Variants in ARHGEF18 observed in about 807,000 individuals in gnomAD.
ARHGEF18 encodes Rho/Rac guanine nucleotide exchange factor 18, also known as rho guanine nucleotide exchange factor 18.
A neutral mutation model predicts 155.7 loss-of-function variants in ARHGEF18; 93 were observed. The ratio of observed to expected loss-of-function variants is 0.60; its 90% CI spans 0.50 to 0.71. The LOEUF (loss-of-function observed/expected upper bound fraction) is 0.71. ARHGEF18 is among the 30% of genes least tolerant of loss of function. ARHGEF18 has a pLI of 0.00. For synonymous variants in ARHGEF18, 742 were observed against 753.1 expected, an observed-to-expected ratio of 0.99 and a Z score of 0.24; for missense variants, 1,593 against 1,816.1, an observed-to-expected ratio of 0.88 and a Z score of 2.23.
chr19:7,350,076 G>T (rs1016095711), intron 1 of ARHGEF18, among the ~76,000 whole-genome samples: 7 of 152,184 alleles, frequency 4.6e-5, no homozygotes, highest in African/African-American at 1.7e-4. Context: ...GACATCCCCT[G>T]TCTCCTCTCG....
At chr19:7,356,247 T>C (rs1329606704) in intron 1 of ARHGEF18, among the ~76,000 whole-genome samples, 2 of 151,662 alleles carry the variant, frequency 1.3e-5, no homozygotes, top group African/African-American at 4.9e-5. Flanking sequence ...GAGTGAACTG[T>C]TGTTGCAAAG....
intron 1 of ARHGEF18, among the ~76,000 whole-genome samples, chr19:7,353,063 T>C (rs117755042): frequency 0.92 from 138,410 of 150,584 alleles, 63,727 homozygotes; most frequent in Admixed American, 0.95. Flanking sequence ...CTCGAACTCC[T>C]GACCTCCAGT....
At chr19:7,419,230 TGTACCCCGATGTACCCACACTCGGCCTCC>T (rs1973199048) in intron 10 of ARHGEF18, among the ~76,000 whole-genome samples, 6 of 137,892 alleles carry the variant, frequency 4.4e-5, no homozygotes, top group African/African-American at 1.5e-4. Flanking sequence ...ACTCGGCCTC[TGTACCCCGATGTACCCACACTCGGCCTCC>T]GCACCCCAGG....
In ARHGEF18 at chr19:7,423,345, T is replaced by A. The variant is rs114211437; in HGVS notation, c.968-16999T>A. Among the ~76,000 whole-genome samples the A allele has an allele frequency of 3.0e-3, 459 of 152,240 alleles. 4 individuals are homozygous for A. Among genetic ancestry groups the A allele is most frequent in the African/African-American group, 0.011 (448 of 41,554 alleles). ...CCCCCTTGAATTGTCCCAACAGTCC[T>A]GTGAGGTGGATGTCATTTATTACTT... On this transcript the variant is annotated intron_variant, in intron 10 of 28. Coordinates refer to ENST00000668164, the MANE Select transcript of ARHGEF18 (RefSeq NM_001367823.1).
chr19:7,387,231 C>CA (rs1324194843), intron 10 of ARHGEF18, among the ~76,000 whole-genome samples: 9 of 152,074 alleles, frequency 5.9e-5, no homozygotes, highest in African/African-American at 2.2e-4. Flanking sequence ...CAGCTCACTG[C>CA]AAGCTCTGCC....
rs551128587 is a variant in ARHGEF18, at chr19:7,437,728, C to T, written c.968-2616C>T. Among the ~76,000 whole-genome samples the T allele has an allele frequency of 1.1e-3, 159 of 149,896 alleles. 1 individual carries two copies. The highest frequency in any genetic ancestry group is 3.8e-3 in the African/African-American group (155 of 40,770). On this transcript the variant is annotated intron_variant, in intron 10 of 28. Coordinates refer to ENST00000668164, the MANE Select transcript of ARHGEF18 (RefSeq NM_001367823.1). Reference sequence around the variant, plus strand: ...GCATGATGTCAGCTCACGGCAACCTCTGCCTCCCGGGTTCAAGCGATTCTC... The same window carrying T: ...GCATGATGTCAGCTCACGGCAACCTTTGCCTCCCGGGTTCAAGCGATTCTC...
chr19:7,453,413 C>G, intron 16 of ARHGEF18, 54 bp from the exon 17 acceptor site: 1 of 1,541,510 alleles, frequency 6.5e-7, no homozygotes. Context: ...AGTGTGTCCA[C>G]TTCTGTTGTG....
At position 7,460,744 on chromosome 19, in the gene ARHGEF18, G is replaced by A. The variant is rs151337976; in HGVS notation, c.2452+750G>A. Among the ~76,000 whole-genome samples, 680 of 151,984 alleles carry A rather than the reference G, an allele frequency of 4.5e-3. 3 individuals carry two copies. The highest frequency in any genetic ancestry group is 0.015 in the African/African-American group (643 of 41,484). On this transcript the variant is annotated intron_variant, in intron 20 of 28. Transcript: ENST00000668164. ...CAATTCCTGGTGCCCTGTAGCCTGC[G>A]GCAAGCTCCCTTCTTCCCTTTCACT... is the stretch of plus-strand genomic sequence containing the variant.
chr19:7,378,684 CTTTTTT>C (rs548305968), intron 6 of ARHGEF18, among the ~76,000 whole-genome samples: 18,284 of 88,032 alleles, frequency 0.21, 2,034 homozygotes, highest in Non-Finnish European at 0.26. Context: ...ACAATTGTGG[CTTTTTT>C]TTTTTTTTTT....
Position 7,462,487 on chromosome 19 carries a change from C to T in ARHGEF18, c.2635+153C>T, listed in dbSNP as rs529034237. Among the ~76,000 whole-genome samples, 15 of 152,308 alleles carry T rather than the reference C, an allele frequency of 9.8e-5. No individual in the cohort carries two copies. The East Asian group carries it at 2.7e-3, about 27-fold the overall frequency. On this transcript the variant is annotated intron_variant, in intron 21 of 28. Coordinates refer to ENST00000668164, the MANE Select transcript of ARHGEF18 (RefSeq NM_001367823.1). This position sits in a 1 kb window ranked among gnomAD's most constrained non-coding sequence, Gnocchi z 4.4. ...GGGGGCCCAGGAGCAGCACTGACCG[C>T]CCCCCGGTGCCTGTGAGAGCCAGAA...
At chr19:7,477,411 C>T, downstream of ARHGEF18, 1 of 1,487,934 alleles carries the variant, frequency 6.7e-7, no homozygotes, top group Non-Finnish European at 8.9e-7. Context: ...GCCTCCATGG[C>T]CCTCCGCTTG....
chr19:7,407,098 T>C (rs1380481255), intron 10 of ARHGEF18, among the ~76,000 whole-genome samples: 2 of 146,208 alleles, frequency 1.4e-5, no homozygotes, highest in Non-Finnish European at 3.0e-5. Flanking sequence ...ATAGCCATCA[T>C]ACTCAGGATG....
chr19:7,451,156 G>A lies in ARHGEF18; in HGVS notation c.1745G>A (p.Gly582Asp), dbSNP rs1181633194. The A allele has an allele frequency of 6.8e-7, 1 of 1,472,760 alleles. No individual in the cohort carries two copies. The highest frequency in any genetic ancestry group is 8.9e-7 in the Non-Finnish European group (1 of 1,117,720). 91.2% of individuals were successfully genotyped at this position (1,472,760 alleles called of 1,614,324 possible). Residue 582 changes from glycine to aspartate, a missense_variant, in exon 16 of 29, where the codon GGC becomes GAC. Transcript: ENST00000668164. The stretch of plus-strand genomic sequence containing the variant: ...TTGCTTTCTGTTTCCTAGAAAATTG[G>A]CAACTTCTCCATCGTGCGGCGGCTT... ...KKFQNLIKKI[G>D]NFSIVRRLGV...
At chr19:7,431,923 G>GGGTTTGAC (rs1270818948) in intron 10 of ARHGEF18, among the ~76,000 whole-genome samples, 1 of 152,190 alleles carries the variant, frequency 6.6e-6, no homozygotes, top group African/African-American at 2.4e-5. Context: ...GGTATTTTGG[G>GGGTTTGAC]GGTTTGACGT....
chr19:7,400,166 A>G (rs1465262350), intron 10 of ARHGEF18, among the ~76,000 whole-genome samples: 1 of 152,194 alleles, frequency 6.6e-6, no homozygotes, highest in Non-Finnish European at 1.5e-5. Context: ...GTGGATGGTT[A>G]CATTTTTAAT....
intron 1 of ARHGEF18, among the ~76,000 whole-genome samples, chr19:7,357,132 G>A (rs931881936): frequency 2.0e-5 from 3 of 152,226 alleles, no homozygotes; most frequent in African/African-American, 7.2e-5. Context: ...GTATATGCTG[G>A]AGGAACCGGG....
chr19:7,431,811 G>T (rs1178898118), intron 10 of ARHGEF18, among the ~76,000 whole-genome samples: 3 of 152,186 alleles, frequency 2.0e-5, no homozygotes, highest in Non-Finnish European at 2.9e-5. Flanking sequence ...CGAAACTCCA[G>T]CTCAAACAAA....
rs765967837 is a variant in ARHGEF18 at position 7,463,717 on chromosome 19, G to A, written c.2636-101G>A. 1.6e-5 allele frequency: 22 copies of A among 1,389,372 alleles called. No homozygotes were observed. The highest frequency in any genetic ancestry group is 2.1e-5 in the Non-Finnish European group (22 of 1,038,818). The allele number at this position is 1,389,372 out of a possible 1,614,324, so 86.1% of individuals were successfully genotyped here. A position where few individuals can be genotyped will look rare whatever the true frequency, so the allele number is the denominator to read the frequency against. ...GGGGGCAGGCGATCACCACCCCAGT[G>A]AGTCCCTCCGTCCACCCGGGTCTCG... On this transcript the variant is annotated intron_variant, in intron 21 of 28. Transcript: ENST00000668164. This position sits in a 1 kb window ranked among gnomAD's most constrained non-coding sequence, Gnocchi z 5.2.
chr19:7,448,443 C>T (rs879575552), intron 15 of ARHGEF18, among the ~76,000 whole-genome samples: 8 of 152,116 alleles, frequency 5.3e-5, no homozygotes, highest in Admixed American at 5.2e-4. Flanking sequence ...GGGTGGATCA[C>T]GAGGTCAGGA....
Sources: gnomAD v4.1 joint callset for allele counts (sites outside exome capture counted in the v4.1 genomes callset) on GRCh38, gnomAD v4.1.1 for gene constraint, Gnocchi (gnomAD v3.1) non-coding constraint, MANE v1.5 for transcripts, NCBI Gene and HGNC (gene_info 2026-07-23, HGNC 2026-07-21) for gene names.